PAIP2: variants seen among roughly 807,000 people sequenced by gnomAD.
PAIP2 encodes poly(A) binding protein interacting protein 2.
PAIP2 carries 7 observed loss-of-function variants against 14.8 expected under a neutral mutation model. That is an observed-to-expected ratio of 0.47 (90% confidence interval 0.27 to 0.89). The LOEUF (loss-of-function observed/expected upper bound fraction) is 0.89, where lower values mean the gene tolerates loss of function less well. PAIP2 is among the 40% of genes least tolerant of loss of function. PAIP2 has a pLI of 0.13. For synonymous variants in PAIP2, 47 were observed against 45.3 expected, an observed-to-expected ratio of 1.04 and a Z score of -0.15; for missense variants, 122 against 154.7, an observed-to-expected ratio of 0.79 and a Z score of 1.12.
chr5:139,363,782 G>T lies in PAIP2; in HGVS notation c.-3G>T, dbSNP rs1267621592. ...AGGTTAAAAACGACAACCAACATCA[G>T]CCATGAAAGATCCAAGTCGCAGCAG... On this transcript the variant is annotated 5_prime_UTR_variant, in exon 2 of 4. Coordinates refer to ENST00000265192, the MANE Select transcript of PAIP2 (RefSeq NM_016480.5). 1 of 1,613,548 alleles carries T rather than the reference G, an allele frequency of 6.2e-7. No homozygotes were observed.
chr5:139,342,287 C>T (rs575170750), intron 1 of PAIP2, among the ~76,000 whole-genome samples: 35 of 152,236 alleles, frequency 2.3e-4, no homozygotes, highest in Non-Finnish European at 4.6e-4. Context: ...TCTCCTGTTC[C>T]TCATTCTCCC....
chr5:139,354,321 T>G (rs1183468843), intron 1 of PAIP2, among the ~76,000 whole-genome samples: 1 of 152,186 alleles, frequency 6.6e-6, no homozygotes, highest in African/African-American at 2.4e-5. Flanking sequence ...GATTTTTTTT[T>G]CTTTCAGCAT....
chr5:139,368,678 A>ATT, intron 3 of PAIP2, 55 bp from the exon 4 acceptor site: 1 of 1,191,588 alleles, frequency 8.4e-7, no homozygotes, highest in Non-Finnish European at 1.2e-6. Context: ...TCTAGATTGA[A>ATT]TTAGTACCTG....
Position 139,363,745 on chromosome 5 carries a change from G to A in PAIP2, c.-26-14G>A. The A allele has an allele frequency of 1.2e-6, 2 of 1,607,962 alleles. No individual in the cohort carries two copies. ...AATGAGTAAGTAAATTAACTGTGCT[G>A]TTGTTCTTTTAAGGTTAAAAACGAC... On this transcript the variant is annotated splice_polypyrimidine_tract_variant and intron_variant, in intron 1 of 3. Transcript: ENST00000265192.
chr5:139,364,104 G>A (rs945133705), intron 2 of PAIP2, 182 bp downstream of exon 2: 2 of 601,238 alleles, frequency 3.3e-6, no homozygotes, highest in Non-Finnish European at 5.8e-6. Context: ...AATAACCTGG[G>A]GAGCTTGTTT....
intron 3 of PAIP2, 73 bp from the exon 4 acceptor site, chr5:139,368,660 C>T (rs1757453838): frequency 2.0e-6 from 2 of 976,550 alleles, no homozygotes; most frequent in Non-Finnish European, 1.6e-6. Flanking sequence ...GATGTTTTTG[C>T]ATGAGGATCT....
At chr5:139,353,573 G>A (rs562790623) in intron 1 of PAIP2, among the ~76,000 whole-genome samples, 30 of 152,018 alleles carry the variant, frequency 2.0e-4, no homozygotes, top group Non-Finnish European at 4.3e-4. Flanking sequence ...AGACTATATA[G>A]CTTCCTGTCG....
chr5:139,363,644 G>GCA lies in PAIP2; in HGVS notation c.-26-115_-26-114insCA, dbSNP rs1757136418. On this transcript the variant is annotated intron_variant, in intron 1 of 3. Coordinates refer to ENST00000265192, the MANE Select transcript of PAIP2 (RefSeq NM_016480.5). ...GGCTGAGGCAAGAGATCGAGGCTGT[G>GCA]GTGAGCCATGATCACACCATTGCAC... is the stretch of plus-strand genomic sequence containing the variant. 9.7e-5 allele frequency: 80 copies of GCA among 825,834 alleles called. No homozygotes were observed. The African/African-American group carries it at 1.3e-3, about 14-fold the overall frequency. 51.2% of individuals were successfully genotyped at this position (825,834 alleles called of 1,614,324 possible). A position where few individuals can be genotyped will look rare whatever the true frequency, so the allele number is the denominator to read the frequency against.
chr5:139,353,761 C>A (rs1211387674), intron 1 of PAIP2, among the ~76,000 whole-genome samples: 1 of 149,874 alleles, frequency 6.7e-6, no homozygotes, highest in African/African-American at 2.4e-5. Flanking sequence ...TGTTGTTGGC[C>A]CAGGCTGGAG....
chr5:139,349,445 C>T (rs1389480432), intron 1 of PAIP2, among the ~76,000 whole-genome samples: 3 of 151,954 alleles, frequency 2.0e-5, no homozygotes, highest in African/African-American at 2.4e-5. Context: ...TACCGGGTTT[C>T]GCCATGTTGG....
At chr5:139,365,387 G>C (rs1319089069) in intron 3 of PAIP2, among the ~76,000 whole-genome samples, 1 of 151,750 alleles carries the variant, frequency 6.6e-6, no homozygotes, top group African/African-American at 2.4e-5. Flanking sequence ...CTACTCAAAA[G>C]GCTGAGGCAG....
intron 1 of PAIP2, among the ~76,000 whole-genome samples, chr5:139,357,028 C>A (rs1756937040): frequency 6.6e-6 from 1 of 151,968 alleles, no homozygotes; most frequent in Non-Finnish European, 1.5e-5. Flanking sequence ...AATTTGTATT[C>A]TTTTTGTGTG....
chr5:139,357,656 C>A (rs1756954406), intron 1 of PAIP2, among the ~76,000 whole-genome samples: 1 of 152,106 alleles, frequency 6.6e-6, no homozygotes, highest in African/African-American at 2.4e-5. Context: ...CATGGTGAAA[C>A]CCCGCCTCTA....
rs1409961842 is a variant in PAIP2 at position 139,368,964 on chromosome 5, G to T, written c.*166G>T. 1 of 515,960 alleles carries T rather than the reference G, an allele frequency of 1.9e-6. No individual in the cohort carries two copies. Among genetic ancestry groups the T allele is most frequent in the Non-Finnish European group, 3.5e-6 (1 of 285,212 alleles). 32.0% of individuals were successfully genotyped at this position (515,960 alleles called of 1,614,324 possible). ...ATAAAAGTGCTGAGACTGTTACTAA[G>T]TAAAAAGCTGTCAAACATTTACTGA... On this transcript the variant is annotated 3_prime_UTR_variant, in exon 4 of 4. Transcript: ENST00000265192.
intron 3 of PAIP2, 134 bp downstream of exon 3, chr5:139,364,877 G>A: frequency 3.2e-6 from 2 of 619,694 alleles, no homozygotes; most frequent in Non-Finnish European, 5.5e-6. Flanking sequence ...CGGGCATGTG[G>A]CTCACGCCTG....
At chr5:139,346,793 G>C (rs1466195924) in intron 1 of PAIP2, among the ~76,000 whole-genome samples, 1 of 152,064 alleles carries the variant, frequency 6.6e-6, no homozygotes, top group East Asian at 1.9e-4. Flanking sequence ...CTCCCAAAGT[G>C]CTGGGCGTGA....
At chr5:139,355,061 T>A (rs1756867003) in intron 1 of PAIP2, among the ~76,000 whole-genome samples, 1 of 151,204 alleles carries the variant, frequency 6.6e-6, no homozygotes, top group African/African-American at 2.4e-5. Context: ...CTCGTGATCC[T>A]CCTGCCCCAG....
At chr5:139,356,422 G>A (rs1654854564) in intron 1 of PAIP2, among the ~76,000 whole-genome samples, 1 of 151,680 alleles carries the variant, frequency 6.6e-6, no homozygotes, top group South Asian at 2.1e-4. Flanking sequence ...CTCCAGCCTG[G>A]GCAAAAAGAG....
Position 139,352,503 on chromosome 5 carries a change from T to TTTTTGTTTTTTTG in PAIP2, c.-27+10527_-27+10528insGTTTTTTTGTTTT, listed in dbSNP as rs1554153575. ...ATTCCTGCCAGTTTTTTTTTTGTTG[T>TTTTTGTTTTTTTG]TTTTTTTTTTTGAGATGGAGTTTCG... On this transcript the variant is annotated intron_variant, in intron 1 of 3. Coordinates refer to ENST00000265192, the MANE Select transcript of PAIP2 (RefSeq NM_016480.5). Among the ~76,000 whole-genome samples, 867 of 124,466 alleles carry TTTTTGTTTTTTTG rather than the reference T, an allele frequency of 7.0e-3. 25 individuals carry two copies. Among genetic ancestry groups the TTTTTGTTTTTTTG allele is most frequent in the African/African-American group, 0.021 (677 of 31,734 alleles). 81.7% of individuals were successfully genotyped at this position (124,466 alleles called of 152,430 possible).
Sources: gnomAD v4.1 joint callset for allele counts (sites outside exome capture counted in the v4.1 genomes callset) on GRCh38, gnomAD v4.1.1 for gene constraint, MANE v1.5 for transcripts, NCBI Gene and HGNC (gene_info 2026-07-23, HGNC 2026-07-21) for gene names.